Variants in BAIAP3 observed in about 807,000 individuals in gnomAD.
BAIAP3 encodes the protein BAI1 associated protein 3.
BAIAP3 carries 180 observed loss-of-function variants against 149.7 expected under a neutral mutation model. The observed-to-expected ratio is 1.20, with a 90% CI of 1.07 to 1.36. BAIAP3 has a LOEUF of 1.36. Ranked by LOEUF, BAIAP3 falls within the 40% of genes most tolerant of loss-of-function variation. The pLI is 0.00. For synonymous variants in BAIAP3, 845 were observed against 670.7 expected (o/e 1.26, Z -4.02); for missense variants, 1,767 against 1,563.4 (o/e 1.13, Z -2.20).
chr16:1,335,952 C>A (rs2033424263), intron 1 of BAIAP3, among the ~76,000 whole-genome samples: 1 of 152,190 alleles, frequency 6.6e-6, no homozygotes, highest in South Asian at 2.1e-4. Flanking sequence ...CAAAGGGCAC[C>A]CCTCTCGGGC....
Position 1,348,910 on chromosome 16 carries a change from A to C in BAIAP3, c.*428A>C, listed in dbSNP as rs2034573377. ...TTTTGGTAATCACAGCTGGGGAGTG[A>C]AAAGGGTGCCACTGGCACCACTGGG... On this transcript the variant is annotated 3_prime_UTR_variant, in exon 34 of 34. Coordinates refer to ENST00000426824, the MANE Select transcript of BAIAP3 (RefSeq NM_001199097.2). 1 of 263,552 alleles carries C rather than the reference A, an allele frequency of 3.8e-6. No individual in the cohort carries two copies. Among genetic ancestry groups the C allele is most frequent in the South Asian group, 4.9e-5 (1 of 20,284 alleles). 16.3% of individuals were successfully genotyped at this position (263,552 alleles called of 1,614,324 possible).
Position 1,348,673 on chromosome 16 carries a change from G to A in BAIAP3, c.*191G>A, listed in dbSNP as rs1423653611. ...TGTCTGGTGTGTGCTGTGAACCCCT[G>A]CACCCAACCCCACATCTGGGTGGCC... On this transcript the variant is annotated 3_prime_UTR_variant, in exon 34 of 34. Coordinates refer to ENST00000426824, the MANE Select transcript of BAIAP3 (RefSeq NM_001199097.2). 2 of 630,234 alleles carry A rather than the reference G, an allele frequency of 3.2e-6. No individual in the cohort carries two copies. The highest frequency in any genetic ancestry group is 5.5e-6 in the Non-Finnish European group (2 of 361,868). The allele number at this position is 630,234 out of a possible 1,614,324, so 39.0% of individuals were successfully genotyped here.
intron 1 of BAIAP3, chr16:1,334,530 C>A: frequency 1.3e-6 from 1 of 742,960 alleles, no homozygotes; most frequent in Non-Finnish European, 2.2e-6. Flanking sequence ...AGGAAGAAGG[C>A]GCCTCGGGCT....
intron 1 of BAIAP3, chr16:1,334,522 G>A (rs2033334481): frequency 4.2e-6 from 3 of 709,376 alleles, no homozygotes; most frequent in Middle Eastern, 4.1e-4. Flanking sequence ...GCGAGGGGAG[G>A]AAGAAGGCGC....
intron 3 of BAIAP3, 80 bp downstream of exon 3, chr16:1,339,069 C>T: frequency 6.2e-7 from 1 of 1,601,270 alleles, no homozygotes; most frequent in Non-Finnish European, 8.5e-7. Context: ...CCCTCCTGCC[C>T]TCGCTCCCAC....
At chr16:1,347,180 C>A in intron 28 of BAIAP3, 118 bp from the exon 29 acceptor site, 2 of 1,119,090 alleles carry the variant, frequency 1.8e-6, no homozygotes, top group Admixed American at 5.0e-5. Context: ...TGAGAAAGGG[C>A]TCTGCCCTTG....
Position 1,341,852 on chromosome 16 carries a change from G to A in BAIAP3, c.762G>A (p.Leu254=), listed in dbSNP as rs1339889223. Residue 254 remains leucine, a synonymous_variant, in exon 9 of 34, where the codon CTG becomes CTA. Transcript: ENST00000426824. The part of the protein sequence containing the change: ...FEIEDVSTDQ[L]HLDIWDHDDD... ...TTGAGGATGTGAGCACGGACCAGCT[G>A]CACCTGGACATCTGGTACAGGCCCC... 6.2e-7 allele frequency: 1 copy of A among 1,612,320 alleles called. No homozygotes were observed. Among genetic ancestry groups the A allele is most frequent in the African/African-American group, 1.3e-5 (1 of 74,902 alleles).
Position 1,344,151 on chromosome 16 carries a change from G to C in BAIAP3, c.1511+5G>C. ...CCGCCTGGAGCTGCTGCTGAAGTGG[G>C]TGCAGCGCCGCGTGTCAGCGTGGGT... On this transcript the variant is annotated splice_donor_5th_base_variant and intron_variant, in intron 16 of 33. Transcript: ENST00000426824. 6.2e-7 allele frequency: 1 copy of C among 1,611,844 alleles called. No individual in the cohort carries two copies. Among genetic ancestry groups the C allele is most frequent in the Non-Finnish European group, 8.5e-7 (1 of 1,179,718 alleles).
intron 5 of BAIAP3, 114 bp from the exon 6 acceptor site, chr16:1,340,808 C>T: frequency 8.7e-7 from 1 of 1,151,280 alleles, no homozygotes; most frequent in Non-Finnish European, 1.3e-6. Context: ...CAACCCTGCA[C>T]CCGTGAGGAC....
At chr16:1,339,076 C>T in intron 3 of BAIAP3, 87 bp downstream of exon 3, 1 of 1,598,752 alleles carries the variant, frequency 6.3e-7, no homozygotes. Context: ...GCCCTCGCTC[C>T]CACCTCCTGG....
rs781441506 is a variant in BAIAP3 at position 1,345,055 on chromosome 16, G to A, written c.1896G>A (p.Leu632=). The A allele has an allele frequency of 1.2e-6, 2 of 1,612,350 alleles. No individual in the cohort carries two copies. Among genetic ancestry groups the A allele is most frequent in the African/African-American group, 2.7e-5 (2 of 74,886 alleles). Residue 632 remains leucine, a synonymous_variant, in exon 21 of 34, where the codon CTG becomes CTA. Coordinates refer to ENST00000426824, the MANE Select transcript of BAIAP3 (RefSeq NM_001199097.2). The part of the protein sequence containing the change: ...EVASGLFELY[L]TLADLQRFWD... ...CCTCGGGGCTCTTTGAGCTCTACCTGACCCTGGCTGACCTCCAGCGCTTCT... is the reference window on the plus strand; with the variant it reads ...CCTCGGGGCTCTTTGAGCTCTACCTAACCCTGGCTGACCTCCAGCGCTTCT...
intron 21 of BAIAP3, 53 bp downstream of exon 21, chr16:1,345,152 G>C (rs2034225839): frequency 6.2e-7 from 1 of 1,611,022 alleles, no homozygotes; most frequent in Non-Finnish European, 8.5e-7. Flanking sequence ...CAGGGCCCCA[G>C]GACCTGTGAG....
At position 1,339,174 on chromosome 16, in the gene BAIAP3, G is replaced by T. The variant is rs767584126; in HGVS notation, c.230G>T (p.Arg77Leu). 10 of 1,566,004 alleles carry T rather than the reference G, an allele frequency of 6.4e-6. No individual in the cohort carries two copies. Among genetic ancestry groups the T allele is most frequent in the African/African-American group, 4.1e-5 (3 of 73,878 alleles). The change falls in exon 4 of 34, where the codon CGC (arginine) becomes CTC (leucine). Residue 77 changes from arginine (R) to leucine (L), a missense_variant. Coordinates refer to ENST00000426824, the MANE Select transcript of BAIAP3 (RefSeq NM_001199097.2). ...QGLPCLEVPL[R>L]SGSPAPPEPV... ...GGGCCCCACACACAGGTCCCCCTGC[G>T]CAGTGGCTCGCCAGCACCCCCGGAG...
At chr16:1,339,430 A>G in intron 4 of BAIAP3, 66 bp from the exon 5 acceptor site, 1 of 1,523,860 alleles carries the variant, frequency 6.6e-7, no homozygotes, top group Admixed American at 1.9e-5. Context: ...TCAGGCAGAC[A>G]GGAGGTGCTG....
chr16:1,340,954 G>T lies in BAIAP3; in HGVS notation c.441G>T (p.Glu147Asp). ...VFGTSLEEHT[E>D]AIERVRKAKA... The stretch of plus-strand genomic sequence containing the variant: ...GCACCAGCCTTGAGGAGCACACTGA[G>T]GCCATCGAGCGAGTGAGGAAGGCCA... Residue 147 changes from glutamate (E) to aspartate (D), a missense_variant, in exon 6 of 34, where the codon GAG becomes GAT. Physicochemically the swap from Glu to Asp is conservative, Grantham distance 45. Coordinates refer to ENST00000426824, the MANE Select transcript of BAIAP3 (RefSeq NM_001199097.2). 1.3e-6 allele frequency: 2 copies of T among 1,585,592 alleles called. No individual in the cohort carries two copies. The highest frequency in any genetic ancestry group is 1.7e-6 in the Non-Finnish European group (2 of 1,166,442).
In BAIAP3 at chr16:1,348,532, A is replaced by G; in HGVS notation, c.*50A>G. The G allele has an allele frequency of 6.6e-7, 1 of 1,522,164 alleles. No homozygotes were observed. The highest frequency in any genetic ancestry group is 8.9e-7 in the Non-Finnish European group (1 of 1,120,246). The allele number at this position is 1,522,164 out of a possible 1,614,324, so 94.3% of individuals were successfully genotyped here. ...CTGGCCCCCACCCCAAGTTCCCTGA[A>G]GCATCCTCCAGCTCACTGTGGCCAG... On this transcript the variant is annotated 3_prime_UTR_variant, in exon 34 of 34. Transcript: ENST00000426824.
Position 1,344,952 on chromosome 16 carries a change from C to T in BAIAP3, c.1810-17C>T, listed in dbSNP as rs1188186509. Reference sequence around the variant, plus strand: ...GATTCCTTGCTGCTGGAGGCCTGATCCTGCTGTCCCGGACAGGTGGCTGAG... The same window carrying T: ...GATTCCTTGCTGCTGGAGGCCTGATTCTGCTGTCCCGGACAGGTGGCTGAG... On this transcript the variant is annotated splice_polypyrimidine_tract_variant and intron_variant, in intron 20 of 33. Transcript: ENST00000426824. 6.2e-7 allele frequency: 1 copy of T among 1,613,254 alleles called. No homozygotes were observed. The highest frequency in any genetic ancestry group is 1.3e-5 in the African/African-American group (1 of 74,892).
Position 1,346,005 on chromosome 16 carries a change from T to TC in BAIAP3, c.2229dup (p.Phe744LeufsTer19), listed in dbSNP as rs1316548804. ...CCTCAGGACGTGTGTGAGGCCACCC[T>TC]CTTCTATACGGAGCTGCTTCGGAAG... On this transcript the variant is annotated frameshift_variant, in exon 24 of 34. Transcript: ENST00000426824. LOFTEE classifies it high-confidence loss of function. 1.6e-5 allele frequency: 25 copies of TC among 1,609,428 alleles called. No homozygotes were observed. The highest frequency in any genetic ancestry group is 2.1e-5 in the Non-Finnish European group (25 of 1,178,282).
At chr16:1,334,813 G>A in intron 1 of BAIAP3, 3 of 1,449,948 alleles carry the variant, frequency 2.1e-6, no homozygotes, top group East Asian at 2.5e-5. Flanking sequence ...AAGGGGAGTC[G>A]GGGGGCTGAG....
Sources: allele counts gnomAD v4.1 joint callset (sites outside exome capture counted in the v4.1 genomes callset), GRCh38; gene constraint gnomAD v4.1.1; transcripts MANE v1.5; gene names NCBI Gene and HGNC (gene_info 2026-07-23, HGNC 2026-07-21).